The following C3 variants were observed in gnomAD, a reference collection of about 807,000 sequenced individuals.
C3 encodes the protein C3 and PZP-like alpha-2-macroglobulin domain-containing protein 1.
C3 carries 97 observed loss-of-function variants against 207.9 expected under a neutral mutation model. The ratio of observed to expected loss-of-function variants is 0.47; its 90% confidence interval spans 0.40 to 0.55. C3 has a LOEUF of 0.55. Among genes scored for constraint, C3 ranks in the 20% least tolerant of loss-of-function variants. C3 has a pLI of 0.00. For synonymous variants in C3, 848 were observed against 857.6 expected, an observed-to-expected ratio of 0.99 and a Z score of 0.20; for missense variants, 1,684 against 2,171.7, an observed-to-expected ratio of 0.78 and a Z score of 4.46.
intron 33 of C3, chr19:6,683,407 T>C (rs1285462663): frequency 1.3e-5 from 2 of 151,412 alleles, no homozygotes; most frequent in Admixed American, 1.3e-4. Flanking sequence ...CATCTTACTA[T>C]GAATTTCATT....
rs368178889 is a variant in C3 at position 6,714,239 on chromosome 19, C to G, written c.609G>C (p.Gln203His). 6.2e-7 allele frequency: 1 copy of G among 1,613,816 alleles called. No homozygotes were observed. The highest frequency in any genetic ancestry group is 8.5e-7 in the Non-Finnish European group (1 of 1,180,024). Residue 203 changes from glutamine to histidine, a missense_variant, in exon 6 of 41, where the codon CAG (glutamine) becomes CAC (histidine). Gln to His is a conservative substitution (Grantham distance 24). Around this residue, in one of 3 missense-constraint regions of C3, gnomAD observed 1,280 missense variants for 1,739.1 expected, o/e 0.74. Coordinates refer to ENST00000245907, the MANE Select transcript of C3 (RefSeq NM_000064.4). ...TTTCATAGTAGGCTCGGATCTTCCA[C>G]TGGCCCATGCTGTGAGGAGGGCGGA... is the stretch of plus-strand genomic sequence containing the variant. ...WDIPELVNMG[Q>H]WKIRAYYENS... is the part of the protein sequence containing the mutation.
At chr19:6,707,423 G>A in intron 16 of C3, 43 bp downstream of exon 16, 3 of 1,609,606 alleles carry the variant, frequency 1.9e-6, no homozygotes, top group Non-Finnish European at 2.6e-6. Flanking sequence ...GGGGTCTCCT[G>A]GGGTGGGGCT....
At position 6,713,501 on chromosome 19, in the gene C3, T is replaced by A; in HGVS notation, c.782A>T (p.Tyr261Phe). 1 of 1,612,728 alleles carries A rather than the reference T, an allele frequency of 6.2e-7. No homozygotes were observed. The highest frequency in any genetic ancestry group is 8.5e-7 in the Non-Finnish European group (1 of 1,178,980). The change falls in exon 8 of 41, where the codon TAC becomes TTC. Residue 261 changes from tyrosine (Y) to phenylalanine (F), a missense_variant. By Grantham distance (22) the Tyr-to-Phe change is conservative (BLOSUM62 3). Transcript: ENST00000245907. ...GGCAGTTCCCTCCACTTTCTTCCCG[T>A]AGAGGAACCTACGGGACAGACAAGG... ...LEVTITARFL[Y>F]GKKVEGTAFV...
chr19:6,704,824 T>C (rs1409416827), intron 17 of C3, among the ~76,000 whole-genome samples: 1 of 149,674 alleles, frequency 6.7e-6, no homozygotes, highest in Non-Finnish European at 1.5e-5. Flanking sequence ...CTTGAACCCA[T>C]GAGGTGGAGG....
chr19:6,685,994 T>G, intron 29 of C3, 130 bp downstream of exon 29: 3 of 923,274 alleles, frequency 3.2e-6, no homozygotes, highest in Non-Finnish European at 5.4e-6. Context: ...GATTCTCAAC[T>G]CCACTGCAAT....
chr19:6,712,427 G>C (rs755646950), intron 10 of C3, 21 bp from the exon 11 acceptor site: 2 of 1,614,054 alleles, frequency 1.2e-6, no homozygotes, highest in Non-Finnish European at 1.7e-6. Flanking sequence ...GGGTGCAGGT[G>C]GGGGAAGTTC....
intron 38 of C3, 39 bp from the exon 39 acceptor site, chr19:6,678,494 G>C (rs1383328882): frequency 1.3e-6 from 2 of 1,585,366 alleles, no homozygotes; most frequent in Non-Finnish European, 1.7e-6. Context: ...GGTGGGCTAG[G>C]TTGACCATGA....
In C3 at chr19:6,684,900, C is replaced by G. The variant is rs1917961677; in HGVS notation, c.3970-66G>C. Reference sequence around the variant, plus strand: ...AGCCTTCTGCTGCCTGTGATGGTCACCTGGCCCTCCCTCTTGCTTCCCAGT... The same window carrying G: ...AGCCTTCTGCTGCCTGTGATGGTCAGCTGGCCCTCCCTCTTGCTTCCCAGT... On this transcript the variant is annotated intron_variant, in intron 30 of 40. Coordinates refer to ENST00000245907, the MANE Select transcript of C3 (RefSeq NM_000064.4). 1.9e-6 allele frequency: 3 copies of G among 1,604,942 alleles called. No individual in the cohort carries two copies. The East Asian group carries it at 6.7e-5, about 36-fold the overall frequency.
chr19:6,708,637 CT>C (rs928256603), intron 14 of C3, among the ~76,000 whole-genome samples: 1 of 137,146 alleles, frequency 7.3e-6, no homozygotes, highest in East Asian at 2.3e-4. Flanking sequence ...CTTTCTTTTT[CT>C]TTCTCTCTGT....
At chr19:6,714,281 C>A in intron 5 of C3, 33 bp from the exon 6 acceptor site, 2 of 1,611,952 alleles carry the variant, frequency 1.2e-6, no homozygotes, top group Non-Finnish European at 1.7e-6. Flanking sequence ...GTCTCTCAGG[C>A]CTCGGAGCCC....
At chr19:6,710,907 C>T in intron 12 of C3, 62 bp from the exon 13 acceptor site, 2 of 1,602,796 alleles carry the variant, frequency 1.2e-6, no homozygotes, top group Non-Finnish European at 1.7e-6. Context: ...AGGGAGGGAT[C>T]CGGGATGGGG....
In C3 at chr19:6,719,333, C is replaced by T. The variant is rs1599529587; in HGVS notation, c.145G>A (p.Ala49Thr). Residue 49 changes from alanine to threonine, a missense_variant, in exon 2 of 41, where the codon GCG (alanine) becomes ACG (threonine). By Grantham distance (58) the Ala-to-Thr change is moderately conservative. Around this residue, in one of 3 missense-constraint regions of C3, gnomAD observed 1,280 missense variants for 1,739.1 expected, o/e 0.74. Coordinates refer to ENST00000245907, the MANE Select transcript of C3 (RefSeq NM_000064.4). The surrounding 1 kb of genome is among the most constrained non-coding windows in gnomAD (Gnocchi z 5.4). Reference sequence around the variant, plus strand: ...ACAGTGACTGGAACATCCCCTTGCGCGTCGTGGGCCTCCAGCACCATGGTC... The same window carrying T: ...ACAGTGACTGGAACATCCCCTTGCGTGTCGTGGGCCTCCAGCACCATGGTC... ...EETMVLEAHDAQGDVPVTVTV... is the reference protein window; with the variant it reads ...EETMVLEAHDTQGDVPVTVTV... 1.9e-6 allele frequency: 3 copies of T among 1,613,980 alleles called. No homozygotes were observed. Among genetic ancestry groups the T allele is most frequent in the Non-Finnish European group, 2.5e-6 (3 of 1,179,952 alleles).
At chr19:6,696,260 GGCTGTTCTA>G in intron 23 of C3, 110 bp downstream of exon 23, 1 of 705,444 alleles carries the variant, frequency 1.4e-6, no homozygotes, top group Non-Finnish European at 2.6e-6. Context: ...ATCACAGATG[GGCTGTTCTA>G]GCTGAAGGGG....
At chr19:6,686,701 A>G (rs1420077854) in intron 28 of C3, 45 bp downstream of exon 28, 1 of 1,597,242 alleles carries the variant, frequency 6.3e-7, no homozygotes, top group Non-Finnish European at 8.6e-7. Flanking sequence ...CCCGCCCTGA[A>G]CTTCAGCCAT....
At position 6,707,985 on chromosome 19, in the gene C3, C is replaced by T. The variant is rs1967818401; in HGVS notation, c.1846-56G>A. ...GGGAGGCCAGGCTGACAATTGGGAT[C>T]CCCCACATATGCACCTGTGTATCTC... is the stretch of plus-strand genomic sequence containing the variant. On this transcript the variant is annotated intron_variant, in intron 14 of 40. Transcript: ENST00000245907. 5 of 1,603,854 alleles carry T rather than the reference C, an allele frequency of 3.1e-6. No homozygotes were observed. The South Asian group carries it at 4.4e-5, about 14-fold the overall frequency.
chr19:6,713,907 C>T, intron 7 of C3, 85 bp downstream of exon 7: 3 of 695,150 alleles, frequency 4.3e-6, no homozygotes, highest in Non-Finnish European at 7.3e-6. Flanking sequence ...TCCAGCCCCC[C>T]ACCTGACTCC....
intron 19 of C3, among the ~76,000 whole-genome samples, chr19:6,701,645 C>T (rs1394203869): frequency 4.6e-5 from 7 of 152,130 alleles, no homozygotes; most frequent in Non-Finnish European, 7.4e-5. Flanking sequence ...CTCAGCCTCC[C>T]GAGTAGCTGG....
rs199831618 is a variant in C3, at chr19:6,714,430, G to A, written c.521C>T (p.Pro174Leu). 6 of 1,613,502 alleles carry A rather than the reference G, an allele frequency of 3.7e-6. No individual in the cohort carries two copies. The highest frequency in any genetic ancestry group is 4.5e-5 in the East Asian group (2 of 44,880). ...AGAAGACAAGGAGTCCTGCTTGACCGGGATGCCTTCCGGGTTCTGTGGGAG... is the reference window on the plus strand; with the variant it reads ...AGAAGACAAGGAGTCCTGCTTGACCAGGATGCCTTCCGGGTTCTGTGGGAG... The part of the protein sequence containing the change: ...MVNIENPEGI[P>L]VKQDSLSSQN... The change falls in exon 5 of 41, where the codon CCG (proline) becomes CTG (leucine). Residue 174 changes from proline (P) to leucine (L), a missense_variant. Physicochemically the swap from Pro to Leu is moderately conservative, Grantham distance 98. Around this residue, in one of 3 missense-constraint regions of C3, gnomAD observed 1,280 missense variants for 1,739.1 expected, o/e 0.74. Transcript: ENST00000245907.
Position 6,689,134 on chromosome 19 carries a change from A to G in C3, c.3489+1495T>C, listed in dbSNP as rs1382412870. The stretch of plus-strand genomic sequence containing the variant: ...TAAATTCCCCATCAATTTTTGTATA[A>G]TCTGGGTCACATGTGTGTTATATCT... On this transcript the variant is annotated intron_variant, in intron 27 of 40. Coordinates refer to ENST00000245907, the MANE Select transcript of C3 (RefSeq NM_000064.4). Among the ~76,000 whole-genome samples the G allele has an allele frequency of 3.9e-5, 6 of 151,994 alleles. No homozygotes were observed. The South Asian group carries it at 1.2e-3, about 32-fold the overall frequency.
Sources: allele counts gnomAD v4.1 joint callset (sites outside exome capture counted in the v4.1 genomes callset), GRCh38; gene constraint gnomAD v4.1.1; regional missense constraint gnomAD v4.1.1; non-coding constraint Gnocchi (gnomAD v3.1); transcripts MANE v1.5; gene names NCBI Gene and HGNC (gene_info 2026-07-23, HGNC 2026-07-21).